Variants in JUP observed in about 807,000 individuals in gnomAD.
JUP encodes junction plakoglobin.
A neutral mutation model predicts 71.1 loss-of-function variants in JUP; 28 were observed. The observed-to-expected ratio is 0.39, with a 90% CI of 0.29 to 0.54. The LOEUF (loss-of-function observed/expected upper bound fraction) is 0.54. Ranked by LOEUF, JUP falls within the 20% of genes least tolerant of loss-of-function variation. JUP has a pLI of 0.62. For missense variants in JUP, 869 were observed against 1,030.1 expected, an observed-to-expected ratio of 0.84 and a Z score of 2.14; for synonymous variants, 401 against 438.9, an observed-to-expected ratio of 0.91 and a Z score of 1.08.
At chr17:41,762,170 AGAGAGAGT>A (rs1480540155) in intron 8 of JUP, among the ~76,000 whole-genome samples, 108 of 45,292 alleles carry the variant, frequency 2.4e-3, no homozygotes, top group African/African-American at 7.9e-3. Flanking sequence ...AGAGAGAGAG[AGAGAGAGT>A]GTGTGTGTGT....
At chr17:41,773,051 A>G (rs1916908623) in intron 1 of JUP, 1 of 955,076 alleles carries the variant, frequency 1.0e-6, no homozygotes, top group Non-Finnish European at 1.2e-6. Flanking sequence ...ACAGATGCAG[A>G]AACTGAGGTT....
chr17:41,762,322 G>A (rs1251182373), intron 8 of JUP, among the ~76,000 whole-genome samples: 1 of 149,880 alleles, frequency 6.7e-6, no homozygotes. Context: ...TGATCCTTCC[G>A]CTTCCGCCTC....
At chr17:41,774,421 C>A in intron 1 of JUP, among the ~76,000 whole-genome samples, 1 of 152,086 alleles carries the variant, frequency 6.6e-6, no homozygotes, top group African/African-American at 2.4e-5. Context: ...GCAACCTCCA[C>A]CTCCTGGGTT....
chr17:41,756,877 C>A (rs907650644), intron 12 of JUP, among the ~76,000 whole-genome samples: 9 of 151,940 alleles, frequency 5.9e-5, no homozygotes, highest in Non-Finnish European at 1.2e-4. Flanking sequence ...TCCAGCCTGG[C>A]GACAGAGCAA....
chr17:41,779,832 A>ATT (rs540094732), intron 1 of JUP, among the ~76,000 whole-genome samples: 147 of 139,692 alleles, frequency 1.1e-3, no homozygotes, highest in Middle Eastern at 3.8e-3. Context: ...TGCTTGGCTA[A>ATT]TTTTTTTTTT....
chr17:41,767,292 G>A lies in JUP; in HGVS notation c.909+87C>T. 3 of 1,083,006 alleles carry A rather than the reference G, an allele frequency of 2.8e-6. No homozygotes were observed. The Admixed American group carries it at 5.4e-5, about 19-fold the overall frequency. 67.1% of individuals were successfully genotyped at this position (1,083,006 alleles called of 1,614,324 possible). On this transcript the variant is annotated intron_variant, in intron 5 of 13. Coordinates refer to ENST00000393931, the MANE Select transcript of JUP (RefSeq NM_002230.4). ...TGCACCTATATCTCATCTAAAAGGAGTAAGGGGGCAGCGGCCCAAGGCTGT... is the reference window on the plus strand; with the variant it reads ...TGCACCTATATCTCATCTAAAAGGAATAAGGGGGCAGCGGCCCAAGGCTGT...
chr17:41,761,895 C>T (rs1364036538), intron 8 of JUP, among the ~76,000 whole-genome samples: 2 of 151,810 alleles, frequency 1.3e-5, no homozygotes, highest in Admixed American at 1.3e-4. Context: ...ATGGCAAAAT[C>T]CCATCTCTAC....
At chr17:41,774,217 G>A (rs1555607959) in intron 1 of JUP, among the ~76,000 whole-genome samples, 2 of 140,868 alleles carry the variant, frequency 1.4e-5, no homozygotes, top group East Asian at 2.5e-4. Context: ...AGAGACAGAA[G>A]CCACAGGATG....
At chr17:41,783,691 C>T (rs570843368) in intron 1 of JUP, among the ~76,000 whole-genome samples, 17 of 151,814 alleles carry the variant, frequency 1.1e-4, no homozygotes, top group African/African-American at 3.1e-4. Flanking sequence ...GAGGCCGGGG[C>T]GGGCGAATCA....
intron 1 of JUP, among the ~76,000 whole-genome samples, chr17:41,783,547 C>A (rs1445103064): frequency 6.6e-6 from 1 of 152,028 alleles, no homozygotes; most frequent in Non-Finnish European, 1.5e-5. Flanking sequence ...CCCTTCTGGG[C>A]CTCCTAACGT....
rs1356085679 is a variant in JUP at position 41,756,064 on chromosome 17, C to T, written c.2086+111G>A. 4.5e-6 allele frequency: 6 copies of T among 1,339,472 alleles called. No individual in the cohort carries two copies. The Admixed American group carries it at 7.7e-5, about 17-fold the overall frequency. 83.0% of individuals were successfully genotyped at this position (1,339,472 alleles called of 1,614,324 possible). A position where few individuals can be genotyped will look rare whatever the true frequency, so the allele number is the denominator to read the frequency against. On this transcript the variant is annotated intron_variant, in intron 13 of 13. Coordinates refer to ENST00000393931, the MANE Select transcript of JUP (RefSeq NM_002230.4). ...GACTGGGGTACATGTGGATGCCACA[C>T]AGCAGTTGCCACTGGTCCTCTGGCC...
chr17:41,760,853 G>A (rs1242104554), intron 8 of JUP, among the ~76,000 whole-genome samples: 12 of 152,090 alleles, frequency 7.9e-5, no homozygotes, highest in African/African-American at 2.7e-4. Flanking sequence ...GAGCCACTGC[G>A]CCTGGCCTGT....
Position 41,764,963 on chromosome 17 carries a change from T to C in JUP, c.1014A>G (p.Leu338=), listed in dbSNP as rs1555603360. The change falls in exon 6 of 14, where the codon CTA becomes CTG. Residue 338 remains leucine (L), a synonymous_variant. Coordinates refer to ENST00000393931, the MANE Select transcript of JUP (RefSeq NM_002230.4). ...LWTTSRVLKV[L]SVCPSNKPAI... ...CAGGCTTATTGCTGGGACACACGGA[T>C]AGCACCTTGAGCACACGACTGGTGG... 6.2e-7 allele frequency: 1 copy of C among 1,614,166 alleles called. No homozygotes were observed. The highest frequency in any genetic ancestry group is 8.5e-7 in the Non-Finnish European group (1 of 1,180,032).
intron 6 of JUP, 50 bp from the exon 7 acceptor site, chr17:41,764,866 A>C (rs782151154): frequency 6.2e-7 from 1 of 1,613,678 alleles, no homozygotes; most frequent in Admixed American, 1.7e-5. Flanking sequence ...TGGCTGACTG[A>C]GCCTGGCAGC....
At chr17:41,760,858 G>T (rs528774638) in intron 8 of JUP, among the ~76,000 whole-genome samples, 2 of 152,244 alleles carry the variant, frequency 1.3e-5, no homozygotes, top group East Asian at 3.9e-4. Flanking sequence ...ACTGCGCCTG[G>T]CCTGTCTGTA....
At chr17:41,771,985 G>C in intron 1 of JUP, 123 bp from the exon 2 acceptor site, 1 of 905,638 alleles carries the variant, frequency 1.1e-6, no homozygotes, top group Non-Finnish European at 1.8e-6. Flanking sequence ...ATTTCAATGA[G>C]GATGCAGGCT....
chr17:41,765,238 G>A (rs929967334), intron 5 of JUP, among the ~76,000 whole-genome samples, 171 bp from the exon 6 acceptor site: 3 of 152,146 alleles, frequency 2.0e-5, no homozygotes, highest in African/African-American at 7.2e-5. Flanking sequence ...GTCTCACTAT[G>A]CTGCCCAGGC....
rs1328999812 is a variant in JUP, at chr17:41,757,527, G to A, written c.1934C>T (p.Ala645Val). Reference sequence around the variant, plus strand: ...GGAGATGCGGAACAGGACGGCAGCAGCGTAGGTGGCTGAGCAGAGAGGAAA... The same window carrying A: ...GGAGATGCGGAACAGGACGGCAGCAACGTAGGTGGCTGAGCAGAGAGGAAA... ...HSRNEGTATY[A>V]AAVLFRISED... Residue 645 changes from alanine (A) to valine (V), a missense_variant, in exon 12 of 14, where the codon GCT becomes GTT. Coordinates refer to ENST00000393931, the MANE Select transcript of JUP (RefSeq NM_002230.4). 3 of 1,614,120 alleles carry A rather than the reference G, an allele frequency of 1.9e-6. No homozygotes were observed. In the Admixed American group the frequency reaches 5.0e-5, roughly 27 times the overall value.
chr17:41,778,564 A>G (rs1438071156), intron 1 of JUP, among the ~76,000 whole-genome samples: 2 of 151,220 alleles, frequency 1.3e-5, no homozygotes, highest in African/African-American at 4.9e-5. Flanking sequence ...CATCTCAAAA[A>G]AAAAAAATGT....
Sources: allele counts gnomAD v4.1 joint callset (sites outside exome capture counted in the v4.1 genomes callset), GRCh38; gene constraint gnomAD v4.1.1; transcripts MANE v1.5; gene names NCBI Gene and HGNC (gene_info 2026-07-23, HGNC 2026-07-21).